Variants in ARHGAP40 observed in about 807,000 individuals in gnomAD.
ARHGAP40 encodes Rho GTPase activating protein 40, also known as rho GTPase-activating protein 40.
ARHGAP40 carries 43 observed loss-of-function variants against 73.5 expected under a neutral mutation model. The ratio of observed to expected loss-of-function variants is 0.58; its 90% CI spans 0.46 to 0.75. The LOEUF is 0.75. Among genes scored for constraint, ARHGAP40 ranks in the 30% least tolerant of loss-of-function variants. The pLI, the probability that ARHGAP40 is intolerant of heterozygous loss-of-function variation, is 0.00. For missense variants in ARHGAP40, 734 were observed against 861.8 expected (o/e 0.85, Z 1.86); for synonymous variants, 300 against 352.8 (o/e 0.85, Z 1.68).
chr20:38,646,916 G>C lies in ARHGAP40; in HGVS notation c.1711-41G>C, dbSNP rs2089057221. ...TCCACGTTGGAACTCCAGGCAAGCT[G>C]ACTCTTATGTATATGGATCTTTCTC... is the stretch of plus-strand genomic sequence containing the variant. On this transcript the variant is annotated intron_variant, in intron 12 of 14. Transcript: ENST00000373345. This position sits in a 1 kb window ranked among gnomAD's most constrained non-coding sequence, Gnocchi z 4.5. 4 of 1,274,786 alleles carry C rather than the reference G, an allele frequency of 3.1e-6. No individual in the cohort carries two copies. The African/African-American group carries it at 6.2e-5, about 20-fold the overall frequency. 79.0% of individuals were successfully genotyped at this position (1,274,786 alleles called of 1,614,324 possible).
chr20:38,634,830 A>AT, intron 6 of ARHGAP40, 45 bp downstream of exon 6: 1 of 1,221,240 alleles, frequency 8.2e-7, no homozygotes, highest in Non-Finnish European at 1.1e-6. Flanking sequence ...CACAGTCCTC[A>AT]TAGGGAGCTG....
At chr20:38,633,614 C>G (rs1313896198) in intron 5 of ARHGAP40, among the ~76,000 whole-genome samples, 18 of 152,164 alleles carry the variant, frequency 1.2e-4, no homozygotes, top group Non-Finnish European at 2.1e-4. Context: ...ACTCCATAGC[C>G]CATGCCGCAA....
chr20:38,638,933 G>A (rs1178169039), intron 8 of ARHGAP40, 95 bp downstream of exon 8: 5 of 1,131,482 alleles, frequency 4.4e-6, no homozygotes, highest in Middle Eastern at 3.2e-4. Flanking sequence ...TGACTCGCCA[G>A]TGATCTGTCT....
chr20:38,627,287 T>G (rs143750519), intron 3 of ARHGAP40, 72 bp downstream of exon 3: 5 of 1,251,082 alleles, frequency 4.0e-6, no homozygotes, highest in South Asian at 3.9e-5. Flanking sequence ...GCCTGAGAGA[T>G]GCAGTGATCC....
At chr20:38,627,169 C>A (rs1280204011) in exon 3 of ARHGAP40, 6 of 1,305,364 alleles carry the variant, frequency 4.6e-6, no homozygotes, top group Non-Finnish European at 6.1e-6. Context: ...CAACACAAGA[C>A]ACCTGTCAGA....
Position 38,648,623 on chromosome 20 carries a change from TCTCTC to T in ARHGAP40, c.1881-19_1881-15del. 1.5e-6 allele frequency: 2 copies of T among 1,292,916 alleles called. No individual in the cohort carries two copies. The allele number at this position is 1,292,916 out of a possible 1,614,324, so 80.1% of individuals were successfully genotyped here. A position where few individuals can be genotyped will look rare whatever the true frequency, so the allele number is the denominator to read the frequency against. On this transcript the variant is annotated splice_polypyrimidine_tract_variant and intron_variant, in intron 13 of 14. Transcript: ENST00000373345. ...AAGAAAAAGGCAGTAGTTTTTTTTT[TCTCTC>T]TCTCTGTTTTACAGCCATAGGTCCA...
chr20:38,619,352 G>A (rs898976739), intron 1 of ARHGAP40, among the ~76,000 whole-genome samples: 1 of 152,124 alleles, frequency 6.6e-6, no homozygotes, highest in Non-Finnish European at 1.5e-5. Context: ...GGAAGACTGC[G>A]ATGAGGCTGT....
At chr20:38,636,233 T>C (rs1487211820) in intron 6 of ARHGAP40, among the ~76,000 whole-genome samples, 1 of 152,050 alleles carries the variant, frequency 6.6e-6, no homozygotes, top group African/African-American at 2.4e-5. Flanking sequence ...AACTATTAAA[T>C]ATTCCTTGAA....
Position 38,614,362 on chromosome 20 carries a change from CT to C in ARHGAP40, c.138-8988del, listed in dbSNP as rs962368841. ...TGAGATTGCCTTTCTTTCTTTCTTT[CT>C]TTTTTTTTGAGTTGGGTCCATTTTT... On this transcript the variant is annotated intron_variant, in intron 1 of 14. Transcript: ENST00000373345. 2.6e-5 allele frequency among the ~76,000 whole-genome samples: 4 copies of C among 151,564 alleles called. No individual in the cohort carries two copies. In the East Asian group the frequency reaches 5.8e-4, roughly 22 times the overall value.
chr20:38,650,369 A>G (rs1222812424), exon 15 of ARHGAP40: 1 of 471,252 alleles, frequency 2.1e-6, no homozygotes, highest in Non-Finnish European at 4.4e-6. Context: ...GTGGCCCTAC[A>G]ATGTGTAGTA....
At chr20:38,626,152 T>C (rs2088897983) in intron 2 of ARHGAP40, among the ~76,000 whole-genome samples, 1 of 152,222 alleles carries the variant, frequency 6.6e-6, no homozygotes, top group Non-Finnish European at 1.5e-5. Flanking sequence ...AGACTTGGAT[T>C]ATTTGCAAAA....
intron 6 of ARHGAP40, among the ~76,000 whole-genome samples, chr20:38,636,290 C>G (rs1381148619): frequency 2.0e-5 from 3 of 147,604 alleles, no homozygotes; most frequent in African/African-American, 7.6e-5. Context: ...GAGAGAAAGT[C>G]TCTCTCTCTT....
chr20:38,637,838 T>G, intron 7 of ARHGAP40, 39 bp downstream of exon 7: 1 of 1,286,542 alleles, frequency 7.8e-7, no homozygotes, highest in Non-Finnish European at 1.0e-6. Flanking sequence ...TATTTAATCC[T>G]TCAGAGGCTG....
intron 5 of ARHGAP40, among the ~76,000 whole-genome samples, chr20:38,632,044 A>G (rs974508301): frequency 6.6e-6 from 1 of 151,668 alleles, no homozygotes; most frequent in Non-Finnish European, 1.5e-5. Flanking sequence ...GCTCACTACA[A>G]CCTCCACCCC....
chr20:38,607,275 T>C (rs2088776468), intron 1 of ARHGAP40, among the ~76,000 whole-genome samples: 1 of 152,214 alleles, frequency 6.6e-6, no homozygotes, highest in Non-Finnish European at 1.5e-5. Context: ...TTCATTTCTC[T>C]GGGCCTGATC....
exon 10 of ARHGAP40, chr20:38,641,783 C>A (rs1259820085): frequency 1.5e-6 from 2 of 1,295,496 alleles, no homozygotes; most frequent in Middle Eastern, 2.1e-4. Flanking sequence ...CTCATCCTCC[C>A]AGAACCCAAC....
intron 13 of ARHGAP40, among the ~76,000 whole-genome samples, chr20:38,648,345 TC>T (rs1284141954): frequency 2.0e-5 from 3 of 152,230 alleles, no homozygotes; most frequent in Non-Finnish European, 4.4e-5. Flanking sequence ...CACCACTCAT[TC>T]CCTTGCCTTC....
At chr20:38,622,326 CA>C (rs1336783618) in intron 1 of ARHGAP40, among the ~76,000 whole-genome samples, 1 of 152,116 alleles carries the variant, frequency 6.6e-6, no homozygotes, top group African/African-American at 2.4e-5. Flanking sequence ...TCTCTTCTGG[CA>C]GGGGTAGTTT....
intron 1 of ARHGAP40, among the ~76,000 whole-genome samples, 164 bp downstream of exon 1, chr20:38,602,243 G>T (rs2088739687): frequency 6.6e-6 from 1 of 152,246 alleles, no homozygotes; most frequent in Non-Finnish European, 1.5e-5. Context: ...AAGTGGTGGA[G>T]ATGGCTTTTA....
Sources: allele counts gnomAD v4.1 joint callset (sites outside exome capture counted in the v4.1 genomes callset), GRCh38; gene constraint gnomAD v4.1.1; non-coding constraint Gnocchi (gnomAD v3.1); transcripts MANE v1.5; gene names NCBI Gene and HGNC (gene_info 2026-07-23, HGNC 2026-07-21).